SPO11: variants seen among roughly 807,000 people sequenced by gnomAD.
SPO11 encodes SPO11 initiator of meiotic double strand breaks, also known as meiotic recombination protein SPO11.
Under a neutral mutation model 51.6 loss-of-function variants are expected in SPO11, and 49 were observed. That is an observed-to-expected ratio of 0.95 (90% CI 0.75 to 1.20). The LOEUF (loss-of-function observed/expected upper bound fraction) is 1.20. Among genes scored for constraint, SPO11 ranks in the 50% most tolerant of loss-of-function variants. The probability of loss-of-function intolerance (pLI) is 0.00; values close to 1 mark genes in which losing one functional copy is unlikely to be tolerated. For synonymous variants in SPO11, 176 were observed against 158.2 expected, an observed-to-expected ratio of 1.11 and a Z score of -0.84; for missense variants, 431 against 473.4, an observed-to-expected ratio of 0.91 and a Z score of 0.83.
chr20:57,334,434 G>A (rs1411421906), intron 5 of SPO11, among the ~76,000 whole-genome samples: 6 of 152,194 alleles, frequency 3.9e-5, no homozygotes, highest in Non-Finnish European at 8.8e-5. Context: ...GATTACAGGC[G>A]TAAGCCACCG....
chr20:57,337,647 G>C (rs1414605621), intron 8 of SPO11: 5 of 783,970 alleles, frequency 6.4e-6, no homozygotes, highest in Non-Finnish European at 9.1e-6. Context: ...TTCTGTTTTT[G>C]CTGAAATATT....
At chr20:57,336,048 A>G (rs1427119650) in intron 8 of SPO11, 141 bp downstream of exon 8, 1 of 584,344 alleles carries the variant, frequency 1.7e-6, no homozygotes, top group Admixed American at 3.5e-5. Flanking sequence ...GGAATTTCCA[A>G]TGTGTTTATT....
intron 1 of SPO11, among the ~76,000 whole-genome samples, chr20:57,330,376 T>A (rs917041126): frequency 3.3e-5 from 5 of 152,102 alleles, no homozygotes; most frequent in Non-Finnish European, 2.9e-5. Context: ...CTTTAAGGGT[T>A]TTTTTTGGTT....
At chr20:57,336,286 C>G (rs572684775) in intron 8 of SPO11, among the ~76,000 whole-genome samples, 4 of 152,226 alleles carry the variant, frequency 2.6e-5, no homozygotes, top group Non-Finnish European at 5.9e-5. Flanking sequence ...GAGGTCCACA[C>G]GTCAGAGTCA....
intron 4 of SPO11, 59 bp from the exon 5 acceptor site, chr20:57,333,928 A>T: frequency 9.2e-7 from 1 of 1,083,756 alleles, no homozygotes; most frequent in Non-Finnish European, 1.3e-6. Flanking sequence ...ACACTGTAAT[A>T]CTTGTCATAT....
intron 3 of SPO11, 72 bp from the exon 4 acceptor site, chr20:57,333,615 C>A (rs900953918): frequency 1.2e-6 from 1 of 846,280 alleles, no homozygotes; most frequent in Non-Finnish European, 2.0e-6. Context: ...AAGTTAAAAT[C>A]CTTGATAGCA....
At chr20:57,333,661 C>T in intron 3 of SPO11, 26 bp from the exon 4 acceptor site, 1 of 1,227,140 alleles carries the variant, frequency 8.1e-7, no homozygotes, top group Non-Finnish European at 1.2e-6. Context: ...TGATGAGTAA[C>T]TTGTTTGTTG....
Position 57,334,736 on chromosome 20 carries a change from A to G in SPO11, c.511-14A>G, listed in dbSNP as rs200114220. On this transcript the variant is annotated splice_polypyrimidine_tract_variant and intron_variant, in intron 5 of 12. Coordinates refer to ENST00000371263, the MANE Select transcript of SPO11 (RefSeq NM_012444.3). The stretch of plus-strand genomic sequence containing the variant: ...CGTGAAGCAGGTTTCAAATATGTCT[A>G]TTATTTTTTGCAGTTATCTACATCA... 2.7e-3 allele frequency: 4,364 copies of G among 1,608,590 alleles called. 6 individuals carry two copies. The highest frequency in any genetic ancestry group is 3.4e-3 in the Non-Finnish European group (4,016 of 1,175,538).
chr20:57,341,217 T>A (rs945130844), intron 11 of SPO11, among the ~76,000 whole-genome samples: 1 of 152,200 alleles, frequency 6.6e-6, no homozygotes, highest in African/African-American at 2.4e-5. Context: ...TCATAGCCAT[T>A]TAAGTGGTTT....
chr20:57,334,249 G>T (rs1351986405), intron 5 of SPO11, among the ~76,000 whole-genome samples, 154 bp downstream of exon 5: 3 of 151,588 alleles, frequency 2.0e-5, no homozygotes, highest in African/African-American at 7.3e-5. Flanking sequence ...CTGCCTCCTG[G>T]GTTCATGCCA....
intron 1 of SPO11, 27 bp downstream of exon 1, chr20:57,330,025 C>T (rs1326207399): frequency 1.9e-6 from 3 of 1,551,100 alleles, no homozygotes; most frequent in Non-Finnish European, 2.6e-6. Context: ...CGAGGCGCGA[C>T]GCAGCCACTC....
intron 12 of SPO11, 101 bp from the exon 13 acceptor site, chr20:57,343,240 C>T: frequency 7.1e-7 from 1 of 1,399,266 alleles, no homozygotes; most frequent in South Asian, 1.3e-5. Flanking sequence ...ACTATTGTCC[C>T]TGGTTTTGGA....
intron 8 of SPO11, 106 bp from the exon 9 acceptor site, chr20:57,338,170 C>A: frequency 2.4e-6 from 2 of 841,644 alleles, no homozygotes; most frequent in Non-Finnish European, 3.8e-6. Context: ...GGATTACAGG[C>A]GTGAACCACT....
chr20:57,333,723 TA>T lies in SPO11; in HGVS notation c.372del (p.Val125TyrfsTer37). The T allele has an allele frequency of 6.6e-7, 1 of 1,512,514 alleles. No homozygotes were observed. The allele number at this position is 1,512,514 out of a possible 1,614,324, so 93.7% of individuals were successfully genotyped here. A position where few individuals can be genotyped will look rare whatever the true frequency, so the allele number is the denominator to read the frequency against. ...AAAATATTGTCCATGATTTATAAAT[TA>T]GTACAGAGCAACACTTATGCAACCA... is the stretch of plus-strand genomic sequence containing the variant. ...ILKILSMIYK[L>X]VQSNTYATKR... On this transcript the variant is annotated frameshift_variant, in exon 4 of 13. Transcript: ENST00000371263. LOFTEE classifies it high-confidence loss of function.
chr20:57,340,950 A>G (rs2066574189), intron 11 of SPO11, among the ~76,000 whole-genome samples: 1 of 152,242 alleles, frequency 6.6e-6, no homozygotes, highest in African/African-American at 2.4e-5. Context: ...TGTTCATTAT[A>G]GAAAAAAATA....
intron 6 of SPO11, among the ~76,000 whole-genome samples, chr20:57,335,054 ACT>A (rs2066495416): frequency 6.6e-6 from 1 of 151,516 alleles, no homozygotes; most frequent in Admixed American, 6.6e-5. Context: ...TACAAATATA[ACT>A]CTTAAAAATG....
Position 57,329,820 on chromosome 20 carries a change from G to T in SPO11, c.-48G>T. ...AGGCACGCAGCCACGCCCCAAGGGC[G>T]CAGCCTAGGACAGGGGCTTCTGGAG... On this transcript the variant is annotated 5_prime_UTR_variant, in exon 1 of 13. Transcript: ENST00000371263. 2.6e-6 allele frequency: 4 copies of T among 1,557,362 alleles called. No homozygotes were observed. The highest frequency in any genetic ancestry group is 3.5e-6 in the Non-Finnish European group (4 of 1,151,008).
rs184927275 is a variant in SPO11 at position 57,333,964 on chromosome 20, A to G, written c.402-23A>G. On this transcript the variant is annotated intron_variant, in intron 4 of 12. Transcript: ENST00000371263. ...TCAAAAAGAATATAGTTAATTAAAA[A>G]TATGTATTTTAAATTTTCATAGGGA... The G allele has an allele frequency of 2.9e-5, 39 of 1,355,530 alleles. 1 individual carries two copies. In the East Asian group the frequency reaches 8.9e-4, roughly 31 times the overall value. The allele number at this position is 1,355,530 out of a possible 1,614,324, so 84.0% of individuals were successfully genotyped here. A position where few individuals can be genotyped will look rare whatever the true frequency, so the allele number is the denominator to read the frequency against.
At chr20:57,339,167 A>T in intron 10 of SPO11, 141 bp downstream of exon 10, 1 of 482,208 alleles carries the variant, frequency 2.1e-6, no homozygotes, top group Non-Finnish European at 3.7e-6. Flanking sequence ...CTATTCTAGG[A>T]GCAATCTGTG....
Sources: allele counts gnomAD v4.1 joint callset (sites outside exome capture counted in the v4.1 genomes callset), GRCh38; gene constraint gnomAD v4.1.1; transcripts MANE v1.5; gene names NCBI Gene and HGNC (gene_info 2026-07-23, HGNC 2026-07-21).